Variants in DDR2 observed in about 807,000 individuals in gnomAD.
The protein encoded by DDR2 is discoidin domain-containing receptor 2.
A neutral mutation model predicts 94.9 loss-of-function variants in DDR2; 27 were observed. The observed-to-expected ratio is 0.28, with a 90% CI of 0.21 to 0.39. The LOEUF is 0.39. DDR2 is among the 10% of genes least tolerant of loss of function. The probability of loss-of-function intolerance (pLI) is 1.00; values close to 1 mark genes in which losing one functional copy is unlikely to be tolerated. For missense variants in DDR2, 783 were observed against 1,076.0 expected (o/e 0.73, Z 3.81); for synonymous variants, 382 against 377.2 (o/e 1.01, Z -0.15).
At chr1:162,665,562 GATT>G (rs1303861695) in intron 2 of DDR2, among the ~76,000 whole-genome samples, 8 of 57,160 alleles carry the variant, frequency 1.4e-4, no homozygotes, top group African/African-American at 3.4e-4. Context: ...TTGCATGTAT[GATT>G]TTTTTTTTTT....
intron 1 of DDR2, among the ~76,000 whole-genome samples, chr1:162,637,110 TG>T (rs1656865784): frequency 6.6e-6 from 1 of 152,186 alleles, no homozygotes; most frequent in African/African-American, 2.4e-5. Flanking sequence ...AGTTATTGGA[TG>T]CCTAGTCTCT....
At chr1:162,778,330 T>C (rs992164486) in intron 16 of DDR2, among the ~76,000 whole-genome samples, 13 of 152,202 alleles carry the variant, frequency 8.5e-5, no homozygotes, top group Non-Finnish European at 1.9e-4. Flanking sequence ...TAACACTCAG[T>C]TGCAGAGTCA....
chr1:162,741,539 G>A (rs1415831276), intron 3 of DDR2: 39 of 971,796 alleles, frequency 4.0e-5, no homozygotes, highest in South Asian at 9.5e-5. Flanking sequence ...GATAAGCCAT[G>A]GGACAGCACT....
At chr1:162,690,568 T>C (rs1199632282) in intron 2 of DDR2, among the ~76,000 whole-genome samples, 1 of 152,194 alleles carries the variant, frequency 6.6e-6, no homozygotes, top group East Asian at 1.9e-4. Context: ...AGTTTACAGA[T>C]GGATTTTCAG....
rs541175585 is a variant in DDR2, at chr1:162,780,506, A to G, written c.*260A>G. On this transcript the variant is annotated 3_prime_UTR_variant, in exon 18 of 18. Transcript: ENST00000367921. ...AATCTAGTAAAAGAAAATCTTTGAT[A>G]TACCAAAGTGTTGGATAACAAAGGC... 34 of 448,980 alleles carry G rather than the reference A, an allele frequency of 7.6e-5. No individual in the cohort carries two copies. The highest frequency in any genetic ancestry group is 1.2e-4 in the Non-Finnish European group (31 of 252,344). The allele number at this position is 448,980 out of a possible 1,614,324, so 27.8% of individuals were successfully genotyped here.
At chr1:162,663,104 C>T (rs1658387231) in intron 2 of DDR2, among the ~76,000 whole-genome samples, 1 of 152,172 alleles carries the variant, frequency 6.6e-6, no homozygotes, top group African/African-American at 2.4e-5. Flanking sequence ...ATGGGCATTG[C>T]AAGGCCAAAG....
chr1:162,644,741 C>A (rs1657323995), intron 1 of DDR2, among the ~76,000 whole-genome samples: 1 of 152,058 alleles, frequency 6.6e-6, no homozygotes, highest in African/African-American at 2.4e-5. Flanking sequence ...GGATTACAGG[C>A]ATGCACTACC....
rs754868982 is a variant in DDR2, at chr1:162,775,798, G to A, written c.2003G>A (p.Arg668His). ...GGAGATCTCAATCAGTTTCTTTCCCGCCACGAGCCCCCTAATTCTTCCTCC... is the reference window on the plus strand; with the variant it reads ...GGAGATCTCAATCAGTTTCTTTCCCACCACGAGCCCCCTAATTCTTCCTCC... Reference protein sequence around the residue: ...ENGDLNQFLSRHEPPNSSSSD... With the variant: ...ENGDLNQFLSHHEPPNSSSSD... Residue 668 changes from arginine (R) to histidine (H), a missense_variant, in exon 15 of 18, where the codon CGC (arginine) becomes CAC (histidine). By Grantham distance (29) the Arg-to-His change is conservative. Coordinates refer to ENST00000367921, the MANE Select transcript of DDR2 (RefSeq NM_006182.4). 3.3e-5 allele frequency: 53 copies of A among 1,613,762 alleles called. No homozygotes were observed. The highest frequency in any genetic ancestry group is 1.6e-4 in the Middle Eastern group (1 of 6,084).
At chr1:162,701,965 G>A (rs1201146682) in intron 2 of DDR2, among the ~76,000 whole-genome samples, 1 of 152,012 alleles carries the variant, frequency 6.6e-6, no homozygotes, top group Non-Finnish European at 1.5e-5. Flanking sequence ...TTCTTGGTAG[G>A]GAGTCACTCA....
At chr1:162,677,136 A>G (rs559052519) in intron 2 of DDR2, among the ~76,000 whole-genome samples, 2 of 152,306 alleles carry the variant, frequency 1.3e-5, no homozygotes, top group South Asian at 2.1e-4. Context: ...CACACGAGGA[A>G]AAACGATAAT....
intron 13 of DDR2, 184 bp downstream of exon 13, chr1:162,772,431 GTT>G (rs1647277059): frequency 2.9e-6 from 2 of 678,516 alleles, no homozygotes; most frequent in Admixed American, 2.5e-5. Flanking sequence ...TAGCTGTGGA[GTT>G]CCTGGGACTT....
chr1:162,703,781 C>T (rs16843678), intron 2 of DDR2, among the ~76,000 whole-genome samples: 5,695 of 152,230 alleles, frequency 0.037, 174 homozygotes, highest in East Asian at 0.15. Context: ...CTGGTTTTCA[C>T]GTCTAATGGA....
Position 162,647,662 on chromosome 1 carries a change from C to G in DDR2, c.-191-7549C>G, listed in dbSNP as rs867222471. Among the ~76,000 whole-genome samples, 7 of 152,156 alleles carry G rather than the reference C, an allele frequency of 4.6e-5. No homozygotes were observed. The South Asian group carries it at 1.4e-3, about 31-fold the overall frequency. On this transcript the variant is annotated intron_variant, in intron 1 of 17. Coordinates refer to ENST00000367921, the MANE Select transcript of DDR2 (RefSeq NM_006182.4). ...TCCTTTGGAACTGAGGATCCCTACC[C>G]TTTTTAGACTATATGAGGTAACTTC...
At chr1:162,769,154 G>A (rs568735968) in intron 11 of DDR2, among the ~76,000 whole-genome samples, 5 of 152,240 alleles carry the variant, frequency 3.3e-5, no homozygotes, top group South Asian at 2.1e-4. Context: ...ATCTTCATGG[G>A]CTAAGAGAGA....
At chr1:162,650,077 C>T (rs1657610029) in intron 1 of DDR2, among the ~76,000 whole-genome samples, 1 of 152,174 alleles carries the variant, frequency 6.6e-6, no homozygotes, top group South Asian at 2.1e-4. Flanking sequence ...CGCTTTTCTT[C>T]TCTTCCTTCC....
At chr1:162,748,499 A>G (rs1191483990) in intron 3 of DDR2, among the ~76,000 whole-genome samples, 1 of 152,176 alleles carries the variant, frequency 6.6e-6, no homozygotes, top group Non-Finnish European at 1.5e-5. Context: ...AAATTCATAA[A>G]GCAAGTCCTT....
chr1:162,778,113 C>T (rs1647687242), intron 16 of DDR2: 1 of 251,552 alleles, frequency 4.0e-6, no homozygotes, highest in Non-Finnish European at 7.8e-6. Context: ...ATGCTATTTA[C>T]ACCTGAATCT....
chr1:162,726,392 A>G (rs1391059197), intron 3 of DDR2, among the ~76,000 whole-genome samples: 1 of 152,166 alleles, frequency 6.6e-6, no homozygotes, highest in Non-Finnish European at 1.5e-5. Flanking sequence ...AAAGGGTTCC[A>G]AATACATCTA....
chr1:162,776,312 G>A lies in DDR2; in HGVS notation c.2225G>A (p.Arg742Gln), dbSNP rs550210469. Residue 742 changes from arginine to glutamine, a missense_variant, in exon 16 of 18, where the codon CGG (arginine) becomes CAG (glutamine). Transcript: ENST00000367921. ...AACCTGTACAGTGGTGACTATTACC[G>A]GATCCAGGGCCGGGCAGTGCTCCCT... ...SRNLYSGDYY[R>Q]IQGRAVLPIR... 6.8e-6 allele frequency: 11 copies of A among 1,613,966 alleles called. No individual in the cohort carries two copies. Among genetic ancestry groups the A allele is most frequent in the African/African-American group, 2.7e-5 (2 of 74,986 alleles).
Sources: allele counts gnomAD v4.1 joint callset (sites outside exome capture counted in the v4.1 genomes callset), GRCh38; gene constraint gnomAD v4.1.1; transcripts MANE v1.5; gene names NCBI Gene and HGNC (gene_info 2026-07-23, HGNC 2026-07-21).